The following MAST4 variants were observed in gnomAD, a reference collection of about 807,000 sequenced individuals.
The protein encoded by MAST4 is microtubule-associated serine/threonine-protein kinase 4.
MAST4 carries 89 observed loss-of-function variants against 162.7 expected under a neutral mutation model. The ratio of observed to expected loss-of-function variants is 0.55; its 90% confidence interval spans 0.46 to 0.65. The LOEUF (loss-of-function observed/expected upper bound fraction) is 0.65. Among genes scored for constraint, MAST4 ranks in the 30% least tolerant of loss-of-function variants. The pLI is 0.00. For synonymous variants in MAST4, 1,479 were observed against 1,361.1 expected, an observed-to-expected ratio of 1.09 and a Z score of -1.91; for missense variants, 3,153 against 3,374.0, an observed-to-expected ratio of 0.93 and a Z score of 1.62.
intron 3 of MAST4, among the ~76,000 whole-genome samples, chr5:66,856,456 A>G (rs1418343355): frequency 1.3e-5 from 2 of 152,242 alleles, no homozygotes; most frequent in African/African-American, 4.8e-5. Context: ...CCTTTTGTAT[A>G]GTAGTTACTG....
chr5:66,621,902 G>A (rs1334782414), intron 1 of MAST4, among the ~76,000 whole-genome samples: 1 of 152,202 alleles, frequency 6.6e-6, no homozygotes, highest in Non-Finnish European at 1.5e-5. Context: ...TTGTGGGCCA[G>A]ATGGTTTTTG....
chr5:67,156,828 C>T (rs1015490288), intron 26 of MAST4, among the ~76,000 whole-genome samples: 1 of 152,176 alleles, frequency 6.6e-6, no homozygotes, highest in Admixed American at 6.5e-5. Context: ...AGCAGTCGTT[C>T]GGTGAGTTAC....
At chr5:66,920,227 A>G (rs548671961) in intron 4 of MAST4, among the ~76,000 whole-genome samples, 2 of 152,096 alleles carry the variant, frequency 1.3e-5, no homozygotes, top group Non-Finnish European at 2.9e-5. Flanking sequence ...TGTTTCCAGT[A>G]TTTTCAAATA....
At chr5:67,133,714 C>A in intron 17 of MAST4, 68 bp downstream of exon 17, 1 of 1,550,002 alleles carries the variant, frequency 6.5e-7, no homozygotes, top group South Asian at 1.2e-5. Context: ...AGTTCAGAAT[C>A]AACTTGTGTG....
rs376603573 is a variant in MAST4, at chr5:66,968,472, C to CAGAGA, written c.674+68494_674+68498dup. On this transcript the variant is annotated intron_variant, in intron 4 of 28. Coordinates refer to ENST00000403625, the MANE Select transcript of MAST4 (RefSeq NM_001164664.2). ...TGCTGGTAGGATATAGTACTACTTCCAGAGAAGAATATTATCACTGTGCCA... is the reference window on the plus strand; with the variant it reads ...TGCTGGTAGGATATAGTACTACTTCCAGAGAAGAGAAGAATATTATCACTGTGCCA... Among the ~76,000 whole-genome samples the CAGAGA allele has an allele frequency of 3.9e-3, 593 of 152,276 alleles. 3 individuals are homozygous for CAGAGA. Among genetic ancestry groups the CAGAGA allele is most frequent in the African/African-American group, 0.014 (570 of 41,530 alleles).
At chr5:66,681,396 T>G (rs1332023251) in intron 1 of MAST4, among the ~76,000 whole-genome samples, 2 of 152,212 alleles carry the variant, frequency 1.3e-5, no homozygotes, top group Non-Finnish European at 2.9e-5. Context: ...TTTGGGCCAG[T>G]GTCGTCCAGG....
At chr5:66,922,770 A>G (rs80063696) in intron 4 of MAST4, among the ~76,000 whole-genome samples, 3 of 152,014 alleles carry the variant, frequency 2.0e-5, no homozygotes, top group African/African-American at 7.2e-5. Context: ...TTCAGTAGTG[A>G]AAAAAAAGTC....
intron 3 of MAST4, among the ~76,000 whole-genome samples, chr5:66,893,100 AAGTG>A (rs1386569075): frequency 6.6e-5 from 10 of 152,382 alleles, no homozygotes; most frequent in African/African-American, 2.4e-4. Context: ...TTTTCAAAGA[AAGTG>A]AGTGTTGTGG....
chr5:66,647,803 A>G (rs892825007), intron 1 of MAST4, among the ~76,000 whole-genome samples: 1 of 152,112 alleles, frequency 6.6e-6, no homozygotes, highest in Non-Finnish European at 1.5e-5. Context: ...AATTTACTAT[A>G]CCATTCACTT....
intron 3 of MAST4, among the ~76,000 whole-genome samples, chr5:66,859,780 A>G (rs1759960086): frequency 6.6e-6 from 1 of 152,230 alleles, no homozygotes; most frequent in African/African-American, 2.4e-5. Context: ...TCACATCCTC[A>G]GAGTGTGTGA....
At chr5:66,905,709 T>C (rs1763314871) in intron 4 of MAST4, among the ~76,000 whole-genome samples, 1 of 152,124 alleles carries the variant, frequency 6.6e-6, no homozygotes, top group Non-Finnish European at 1.5e-5. Context: ...ACATGTAAAT[T>C]ATGCATTGGT....
chr5:66,757,271 C>T (rs1753595546), intron 1 of MAST4, among the ~76,000 whole-genome samples: 1 of 152,158 alleles, frequency 6.6e-6, no homozygotes, highest in Non-Finnish European at 1.5e-5. Flanking sequence ...ATGCAGCTGT[C>T]ACTCATAATT....
intron 3 of MAST4, among the ~76,000 whole-genome samples, chr5:66,832,122 A>G (rs1757645650): frequency 6.6e-6 from 1 of 152,150 alleles, no homozygotes; most frequent in Non-Finnish European, 1.5e-5. Context: ...GGGGCATCCC[A>G]GAGCGGCTGA....
intron 2 of MAST4, among the ~76,000 whole-genome samples, chr5:66,786,271 AG>A (rs911123022): frequency 8.6e-5 from 13 of 151,496 alleles, no homozygotes; most frequent in Middle Eastern, 3.4e-3. Flanking sequence ...AATTCTCCCA[AG>A]TTTTTTTTTT....
intron 1 of MAST4, among the ~76,000 whole-genome samples, chr5:66,722,679 C>T (rs574247616): frequency 3.6e-4 from 55 of 152,122 alleles, no homozygotes; most frequent in African/African-American, 1.3e-3. Context: ...GATTTTGCTG[C>T]GAGAAATATT....
In MAST4 at chr5:66,834,893, T is replaced by G. The variant is rs951621885; in HGVS notation, c.642+46099T>G. Among the ~76,000 whole-genome samples, 3 of 152,180 alleles carry G rather than the reference T, an allele frequency of 2.0e-5. No individual in the cohort carries two copies. In the East Asian group the frequency reaches 5.8e-4, roughly 29 times the overall value. The stretch of plus-strand genomic sequence containing the variant: ...GCAGGTCGTGCAAGTAGTCTCAATT[T>G]TAAATTGCTCTGCTCTACAGATCCT... On this transcript the variant is annotated intron_variant, in intron 3 of 28. Coordinates refer to ENST00000403625, the MANE Select transcript of MAST4 (RefSeq NM_001164664.2).
At chr5:66,725,093 G>GT (rs142610980) in intron 1 of MAST4, among the ~76,000 whole-genome samples, 2 of 151,188 alleles carry the variant, frequency 1.3e-5, no homozygotes, top group Middle Eastern at 6.9e-3. Flanking sequence ...TGATTTTTCT[G>GT]TTTTTTTAAT....
chr5:66,633,432 C>A (rs1744911962), intron 1 of MAST4, among the ~76,000 whole-genome samples: 1 of 152,118 alleles, frequency 6.6e-6, no homozygotes, highest in Admixed American at 6.5e-5. Flanking sequence ...AGTGATCTAA[C>A]CAGATTGGGA....
chr5:67,158,021 C>G (rs1057223749), intron 26 of MAST4, among the ~76,000 whole-genome samples: 1 of 152,192 alleles, frequency 6.6e-6, no homozygotes, highest in Non-Finnish European at 1.5e-5. Flanking sequence ...TGGTTCTGCA[C>G]GTCCACTCTC....
Sources: allele counts gnomAD v4.1 joint callset (sites outside exome capture counted in the v4.1 genomes callset), GRCh38; gene constraint gnomAD v4.1.1; transcripts MANE v1.5; gene names NCBI Gene and HGNC (gene_info 2026-07-23, HGNC 2026-07-21).